The following KAZN variants were observed in gnomAD, a reference collection of about 807,000 sequenced individuals.
KAZN encodes kazrin.
In KAZN, 40 loss-of-function variants were observed where a neutral mutation model predicts 87.4. The ratio of observed to expected loss-of-function variants is 0.46; its 90% CI spans 0.36 to 0.60. The LOEUF is 0.60. Among genes scored for constraint, KAZN ranks in the 20% least tolerant of loss-of-function variants. The pLI is 0.00. For missense variants in KAZN, 898 were observed against 1,073.9 expected (o/e 0.84, Z 2.29); for synonymous variants, 466 against 458.3 (o/e 1.02, Z -0.22).
upstream of KAZN, among the ~76,000 whole-genome samples, chr1:14,598,542 C>T (rs1676662930): frequency 6.6e-6 from 1 of 152,072 alleles, no homozygotes; most frequent in Non-Finnish European, 1.5e-5. The surrounding 1 kb of genome is among the most constrained non-coding windows in gnomAD (Gnocchi z 4.2). Flanking sequence ...CCGTCCGCCG[C>T]CTCCGCCCCC....
At chr1:13,965,935 AG>A (rs1394025454) in intron 1 of KAZN, among the ~76,000 whole-genome samples, 1 of 152,158 alleles carries the variant, frequency 6.6e-6, no homozygotes, top group Non-Finnish European at 1.5e-5. Flanking sequence ...TCCTGCAAGA[AG>A]GGCTGGGTCC....
intron 2 of KAZN, among the ~76,000 whole-genome samples, chr1:14,377,279 T>C (rs1660990399): frequency 6.6e-6 from 1 of 152,208 alleles, no homozygotes; most frequent in African/African-American, 2.4e-5. Flanking sequence ...CGACCATTCC[T>C]TAAGCTTCTG....
Position 15,094,519 on chromosome 1 carries a change from C to A in KAZN, c.1428+134C>A. 1 of 828,482 alleles carries A rather than the reference C, an allele frequency of 1.2e-6. No individual in the cohort carries two copies. Among genetic ancestry groups the A allele is most frequent in the Non-Finnish European group, 1.9e-6 (1 of 527,570 alleles). The allele number at this position is 828,482 out of a possible 1,614,324, so 51.3% of individuals were successfully genotyped here. ...CAATCTAGGAGCTAGCCAATGCAATCAGCCTCTGATGTACCTGCTCATTGT... is the reference window on the plus strand; with the variant it reads ...CAATCTAGGAGCTAGCCAATGCAATAAGCCTCTGATGTACCTGCTCATTGT... On this transcript the variant is annotated intron_variant, in intron 9 of 14. Transcript: ENST00000376030. This position sits in a 1 kb window ranked among gnomAD's most constrained non-coding sequence, Gnocchi z 4.5.
chr1:14,917,240 T>C (rs1415806061), intron 1 of KAZN, among the ~76,000 whole-genome samples: 4 of 152,158 alleles, frequency 2.6e-5, no homozygotes, highest in East Asian at 1.9e-4. Flanking sequence ...AAGGTCTAAA[T>C]AGGTTTGGGG....
rs1553180789 is a variant in KAZN at position 15,050,068 on chromosome 1, G to GAGTACAGTAGAGTAC, written c.726+5913_726+5914insCAGTAGAGTACAGTA. On this transcript the variant is annotated intron_variant, in intron 4 of 14. Coordinates refer to ENST00000376030, the MANE Select transcript of KAZN (RefSeq NM_201628.3). ...GGGTAGGGTAGGGTAGGGTAGGGTAGAGTAGAGTAGAGTACAGTAGAGTAC... is the reference window on the plus strand; with the variant it reads ...GGGTAGGGTAGGGTAGGGTAGGGTAGAGTACAGTAGAGTACAGTAGAGTAGAGTACAGTAGAGTAC... Among the ~76,000 whole-genome samples the GAGTACAGTAGAGTAC allele has an allele frequency of 3.1e-4, 32 of 103,198 alleles. 1 individual carries two copies. The highest frequency in any genetic ancestry group is 1.5e-3 in the African/African-American group (32 of 21,370). 67.7% of individuals were successfully genotyped at this position (103,198 alleles called of 152,430 possible). A position where few individuals can be genotyped will look rare whatever the true frequency, so the allele number is the denominator to read the frequency against.
At chr1:14,982,310 C>T (rs573415289) in intron 2 of KAZN, among the ~76,000 whole-genome samples, 32 of 151,886 alleles carry the variant, frequency 2.1e-4, no homozygotes, top group African/African-American at 7.2e-4. Context: ...GCCTTTAAAA[C>T]GTGGCCTTTG....
At chr1:14,626,951 C>T (rs1679187627) in intron 1 of KAZN, among the ~76,000 whole-genome samples, 1 of 152,090 alleles carries the variant, frequency 6.6e-6, no homozygotes, top group African/African-American at 2.4e-5. Flanking sequence ...TACTGTGTGC[C>T]CCTTTAGCAC....
Position 14,152,377 on chromosome 1 carries a change from A to G in KAZN, c.92-28058A>G, listed in dbSNP as rs529674818. On this transcript the variant is annotated intron_variant, in intron 1 of 16. Transcript: ENST00000636203. ...TCTGGGAACCATCCTTCTACTCTTTACCTCCATGAGTTCAACTCTTTTGAT... is the reference window on the plus strand; with the variant it reads ...TCTGGGAACCATCCTTCTACTCTTTGCCTCCATGAGTTCAACTCTTTTGAT... Among the ~76,000 whole-genome samples the G allele has an allele frequency of 3.1e-4, 47 of 152,132 alleles. No homozygotes were observed. The South Asian group carries it at 9.8e-3, about 32-fold the overall frequency.
At chr1:14,162,247 C>A (rs1427117259) in intron 1 of KAZN, among the ~76,000 whole-genome samples, 1 of 152,192 alleles carries the variant, frequency 6.6e-6, no homozygotes. Context: ...ACTTTTCTTT[C>A]TATCTCTTTC....
intron 1 of KAZN, among the ~76,000 whole-genome samples, chr1:14,013,356 T>C (rs4662072): frequency 0.68 from 103,181 of 152,134 alleles, 35,360 homozygotes; most frequent in Admixed American, 0.75. Flanking sequence ...ATGTTTGGAT[T>C]CCCATTGGGC....
chr1:14,717,086 G>A (rs1242894089), intron 1 of KAZN, among the ~76,000 whole-genome samples: 2 of 149,700 alleles, frequency 1.3e-5, no homozygotes, highest in African/African-American at 4.9e-5. Context: ...AGATGTGAGC[G>A]CTCTCTCCCC....
chr1:14,848,708 C>T lies in KAZN; in HGVS notation c.227-111976C>T, dbSNP rs201819063. Among the ~76,000 whole-genome samples, 50 of 152,308 alleles carry T rather than the reference C, an allele frequency of 3.3e-4. No homozygotes were observed. In the East Asian group the frequency reaches 6.0e-3, roughly 18 times the overall value. On this transcript the variant is annotated intron_variant, in intron 1 of 14. Coordinates refer to ENST00000376030, the MANE Select transcript of KAZN (RefSeq NM_201628.3). The stretch of plus-strand genomic sequence containing the variant: ...CCATTAGGCAGCTGCCCGCTCTCCC[C>T]GTGAGTGATTAAAACGTCGCCATCC...
intron 2 of KAZN, among the ~76,000 whole-genome samples, chr1:15,007,725 G>A (rs113889559): frequency 1.3e-4 from 20 of 152,298 alleles, no homozygotes; most frequent in African/African-American, 4.3e-4. Flanking sequence ...GGCAAAGTGG[G>A]TATCTCCACA....
chr1:14,212,649 A>G (rs141289216), intron 2 of KAZN, among the ~76,000 whole-genome samples: 15 of 152,168 alleles, frequency 9.9e-5, no homozygotes, highest in Non-Finnish European at 1.8e-4. Flanking sequence ...GGAGGTAGGT[A>G]TATCCAGAAG....
intron 1 of KAZN, among the ~76,000 whole-genome samples, chr1:14,176,638 C>T (rs1015108261): frequency 4.6e-5 from 7 of 152,162 alleles, no homozygotes; most frequent in Non-Finnish European, 1.0e-4. Flanking sequence ...TGGAGTCTTC[C>T]CATGCAACGA....
At chr1:14,954,488 A>G (rs1490012117) in intron 1 of KAZN, among the ~76,000 whole-genome samples, 1 of 152,230 alleles carries the variant, frequency 6.6e-6, no homozygotes, top group Non-Finnish European at 1.5e-5. Flanking sequence ...CAGATGCTTA[A>G]CAAATACCAT....
intron 1 of KAZN, among the ~76,000 whole-genome samples, chr1:14,058,086 A>G (rs1007863992): frequency 1.3e-5 from 2 of 152,242 alleles, no homozygotes; most frequent in Admixed American, 6.5e-5. Flanking sequence ...CTCCATGCCC[A>G]GGTGGGGATG....
At chr1:14,909,156 C>T (rs933361353) in intron 1 of KAZN, among the ~76,000 whole-genome samples, 3 of 152,172 alleles carry the variant, frequency 2.0e-5, no homozygotes, top group African/African-American at 4.8e-5. Flanking sequence ...TATATACTTT[C>T]GTAGAGTTGC....
intron 1 of KAZN, among the ~76,000 whole-genome samples, chr1:14,620,914 C>T (rs967260304): frequency 6.6e-6 from 1 of 152,214 alleles, no homozygotes; most frequent in Non-Finnish European, 1.5e-5. Context: ...GTGTCCCCAT[C>T]ATCATCTTCA....
Sources: gnomAD v4.1 joint callset for allele counts (sites outside exome capture counted in the v4.1 genomes callset) on GRCh38, gnomAD v4.1.1 for gene constraint, Gnocchi (gnomAD v3.1) non-coding constraint, MANE v1.5 for transcripts, NCBI Gene and HGNC (gene_info 2026-07-23, HGNC 2026-07-21) for gene names.